BRINP3: variants seen among roughly 807,000 people sequenced by gnomAD.
The protein encoded by BRINP3 is BMP/retinoic acid inducible neural specific 3.
Under a neutral mutation model 71.0 loss-of-function variants are expected in BRINP3, and 19 were observed. The observed-to-expected ratio is 0.27, with a 90% CI of 0.19 to 0.39. The LOEUF (loss-of-function observed/expected upper bound fraction) is 0.39, where lower values mean the gene tolerates loss of function less well. BRINP3 is among the 10% of genes least tolerant of loss of function. BRINP3 has a pLI of 1.00. For synonymous variants in BRINP3, 380 were observed against 337.7 expected (o/e 1.13, Z -1.37); for missense variants, 959 against 940.8 (o/e 1.02, Z -0.25).
intron 6 of BRINP3, among the ~76,000 whole-genome samples, chr1:190,169,382 C>G (rs577613301): frequency 6.6e-6 from 1 of 152,122 alleles, no homozygotes; most frequent in Non-Finnish European, 1.5e-5. Context: ...AGCTGCAATG[C>G]TTTTGCTCCT....
intron 7 of BRINP3, among the ~76,000 whole-genome samples, chr1:190,146,916 T>C (rs1180973482): frequency 6.6e-6 from 1 of 152,026 alleles, no homozygotes; most frequent in East Asian, 1.9e-4. Flanking sequence ...TACAGAATTA[T>C]TTTTCCATTC....
At chr1:190,105,739 T>C (rs1189089856) in intron 7 of BRINP3, among the ~76,000 whole-genome samples, 1 of 151,970 alleles carries the variant, frequency 6.6e-6, no homozygotes, top group African/African-American at 2.4e-5. Context: ...AAAATGTGCT[T>C]ACTTCTCAAA....
intron 2 of BRINP3, among the ~76,000 whole-genome samples, chr1:190,430,560 T>G (rs960825418): frequency 6.6e-6 from 1 of 152,104 alleles, no homozygotes; most frequent in Non-Finnish European, 1.5e-5. Flanking sequence ...GGTAGAGAAA[T>G]AATGTAGGAA....
intron 6 of BRINP3, among the ~76,000 whole-genome samples, chr1:190,163,562 T>C (rs1433994676): frequency 6.6e-6 from 1 of 151,930 alleles, no homozygotes; most frequent in Non-Finnish European, 1.5e-5. Context: ...GGCAGGAATT[T>C]ATAGTCAGTC....
chr1:190,146,452 T>A (rs187351829), intron 7 of BRINP3, among the ~76,000 whole-genome samples: 222 of 152,284 alleles, frequency 1.5e-3, no homozygotes, highest in African/African-American at 4.8e-3. Flanking sequence ...CCATACTATT[T>A]CAATTACTGT....
intron 6 of BRINP3, among the ~76,000 whole-genome samples, chr1:190,192,440 A>G (rs1571320406): frequency 6.6e-6 from 1 of 152,240 alleles, no homozygotes; most frequent in South Asian, 2.1e-4. Context: ...ATAAAATGTA[A>G]TCGAAAAAAT....
intron 2 of BRINP3, among the ~76,000 whole-genome samples, chr1:190,412,669 A>G (rs1036263324): frequency 6.6e-6 from 1 of 150,998 alleles, no homozygotes; most frequent in African/African-American, 2.4e-5. Context: ...TCACCGTTTT[A>G]GCCGGGATGG....
chr1:190,143,079 T>A (rs1655593443), intron 7 of BRINP3, among the ~76,000 whole-genome samples: 1 of 152,092 alleles, frequency 6.6e-6, no homozygotes, highest in South Asian at 2.1e-4. Context: ...AAGTTTTCAA[T>A]CAAAAAATTA....
intron 7 of BRINP3, among the ~76,000 whole-genome samples, chr1:190,108,653 A>T (rs1229856850): frequency 2.7e-5 from 4 of 149,880 alleles, no homozygotes. Flanking sequence ...ATGAGACTAC[A>T]AACAATGATG....
chr1:190,182,344 G>A (rs1653101600), intron 6 of BRINP3, among the ~76,000 whole-genome samples: 1 of 151,982 alleles, frequency 6.6e-6, no homozygotes, highest in Non-Finnish European at 1.5e-5. Flanking sequence ...TTAGAGTACT[G>A]CAGGTTCCCC....
At chr1:190,450,193 TGCTATTAGGATCCAACTCTGG>T (rs1048968564) in intron 2 of BRINP3, among the ~76,000 whole-genome samples, 7 of 152,122 alleles carry the variant, frequency 4.6e-5, no homozygotes, top group Admixed American at 3.3e-4. Flanking sequence ...GCTGCGAAGT[TGCTATTAGGATCCAACTCTGG>T]GCTTCTGAGT....
chr1:190,353,478 G>A (rs956488654), intron 2 of BRINP3, among the ~76,000 whole-genome samples: 13 of 151,978 alleles, frequency 8.6e-5, no homozygotes, highest in Admixed American at 6.6e-4. Flanking sequence ...ACTATCACTA[G>A]TATAGAGAAT....
In BRINP3 at chr1:190,301,194, TATACAC is replaced by T. The variant is rs1273747512; in HGVS notation, c.237-19450_237-19445del. ...ATATATACATATATATATGTATATA[TATACAC>T]ATACATATATATATATATATATATA... is the stretch of plus-strand genomic sequence containing the variant. On this transcript the variant is annotated intron_variant, in intron 2 of 7. Coordinates refer to ENST00000367462, the MANE Select transcript of BRINP3 (RefSeq NM_199051.3). Among the ~76,000 whole-genome samples the T allele has an allele frequency of 1.9e-3, 113 of 59,366 alleles. 1 individual carries two copies. The highest frequency in any genetic ancestry group is 4.5e-3 in the African/African-American group (100 of 22,396). The allele number at this position is 59,366 out of a possible 152,430, so 38.9% of individuals were successfully genotyped here. A position where few individuals can be genotyped will look rare whatever the true frequency, so the allele number is the denominator to read the frequency against.
At chr1:190,159,562 A>C (rs1282080109) in intron 7 of BRINP3, among the ~76,000 whole-genome samples, 1 of 152,078 alleles carries the variant, frequency 6.6e-6, no homozygotes, top group Non-Finnish European at 1.5e-5. Flanking sequence ...TGCTAAGTGA[A>C]AGAAGCTAGT....
At chr1:190,135,313 G>T (rs1044682701) in intron 7 of BRINP3, among the ~76,000 whole-genome samples, 7 of 152,056 alleles carry the variant, frequency 4.6e-5, no homozygotes, top group Non-Finnish European at 1.0e-4. Flanking sequence ...ATGTTTCTGG[G>T]AATATTCCCT....
chr1:190,374,829 GA>G (rs1490425524), intron 2 of BRINP3, among the ~76,000 whole-genome samples: 7 of 151,984 alleles, frequency 4.6e-5, no homozygotes, highest in African/African-American at 1.7e-4. Context: ...GAAAAAGTTA[GA>G]AACAGCCTCT....
intron 7 of BRINP3, among the ~76,000 whole-genome samples, chr1:190,159,615 T>A (rs936636910): frequency 2.6e-5 from 4 of 151,942 alleles, no homozygotes; most frequent in African/African-American, 9.7e-5. Context: ...ACAGAAAATG[T>A]CCAAAATAGG....
At chr1:190,404,447 A>C (rs1248970823) in intron 2 of BRINP3, among the ~76,000 whole-genome samples, 1 of 152,160 alleles carries the variant, frequency 6.6e-6, no homozygotes, top group Non-Finnish European at 1.5e-5. Context: ...TCACGACTTG[A>C]TGTTATGCTC....
intron 2 of BRINP3, among the ~76,000 whole-genome samples, chr1:190,311,256 A>C (rs1157770931): frequency 6.6e-6 from 1 of 151,666 alleles, no homozygotes; most frequent in Non-Finnish European, 1.5e-5. Context: ...ACAGCATTTA[A>C]ACTTTGCCTT....
Sources: gnomAD v4.1 joint callset for allele counts (sites outside exome capture counted in the v4.1 genomes callset) on GRCh38, gnomAD v4.1.1 for gene constraint, MANE v1.5 for transcripts, NCBI Gene and HGNC (gene_info 2026-07-23, HGNC 2026-07-21) for gene names.